The following BOC variants were observed in gnomAD, a reference collection of about 807,000 sequenced individuals.
The protein encoded by BOC is brother of CDO.
A neutral mutation model predicts 112.0 loss-of-function variants in BOC; 76 were observed. The observed-to-expected ratio is 0.68, with a 90% CI of 0.56 to 0.82. BOC has a LOEUF of 0.82. Among genes scored for constraint, BOC ranks in the 40% least tolerant of loss-of-function variants. The pLI is 0.00. For missense variants in BOC, 1,309 were observed against 1,511.7 expected, an observed-to-expected ratio of 0.87 and a Z score of 2.22; for synonymous variants, 580 against 599.8, an observed-to-expected ratio of 0.97 and a Z score of 0.48.
chr3:113,277,957 C>G (rs1948819948), intron 9 of BOC, 138 bp from the exon 10 acceptor site: 1 of 1,133,130 alleles, frequency 8.8e-7, no homozygotes, highest in Non-Finnish European at 1.3e-6. Flanking sequence ...CGAGGCTGTG[C>G]CACCCTAACC....
intron 2 of BOC, 60 bp downstream of exon 2, chr3:113,216,334 A>C: frequency 2.2e-6 from 1 of 451,176 alleles, no homozygotes; most frequent in Non-Finnish European, 4.5e-6. Context: ...CCATTTGTTC[A>C]TGTTTTGTGT....
At position 113,264,228 on chromosome 3, in the gene BOC, G is replaced by A. The variant is rs561330578; in HGVS notation, c.377-4071G>A. Among the ~76,000 whole-genome samples the A allele has an allele frequency of 1.2e-3, 181 of 152,310 alleles. 1 individual carries two copies. The highest frequency in any genetic ancestry group is 4.1e-3 in the African/African-American group (171 of 41,574). Reference sequence around the variant, plus strand: ...GAGAAACAAAAGTGGGTCTACTAGCGTTTGATTAATGCGGACAAGTTAATG... The same window carrying A: ...GAGAAACAAAAGTGGGTCTACTAGCATTTGATTAATGCGGACAAGTTAATG... On this transcript the variant is annotated intron_variant, in intron 4 of 19. Coordinates refer to ENST00000682979, the MANE Select transcript of BOC (RefSeq NM_001378074.1).
At chr3:113,250,213 A>G (rs1443679823) in intron 3 of BOC, among the ~76,000 whole-genome samples, 1 of 152,254 alleles carries the variant, frequency 6.6e-6, no homozygotes, top group Non-Finnish European at 1.5e-5. Context: ...AAGACTCATG[A>G]CAACCTTGTG....
intron 4 of BOC, among the ~76,000 whole-genome samples, chr3:113,266,331 T>G (rs951743084): frequency 2.0e-5 from 3 of 152,230 alleles, no homozygotes; most frequent in Non-Finnish European, 4.4e-5. Context: ...ATCCATCCTG[T>G]CACTGTTTTT....
At chr3:113,214,468 G>A (rs151254944) in intron 1 of BOC, among the ~76,000 whole-genome samples, 230 of 152,258 alleles carry the variant, frequency 1.5e-3, no homozygotes, top group African/African-American at 5.2e-3. Context: ...TTCAAATTTC[G>A]GCAAAGCCAC....
At position 113,273,313 on chromosome 3, in the gene BOC, C is replaced by T. The variant is rs772821398; in HGVS notation, c.1206C>T (p.Ala402=). ...MAENEVGSAH[A]VVQLRTSRPS... is the part of the protein sequence containing the mutation. ...AGAACGAGGTTGGGAGCGCCCATGCCGTAGTCCAGCTGCGGACCTCCAGGC... is the reference window on the plus strand; with the variant it reads ...AGAACGAGGTTGGGAGCGCCCATGCTGTAGTCCAGCTGCGGACCTCCAGGC... The change falls in exon 8 of 20, where the codon GCC becomes GCT. Residue 402 remains alanine (A), a synonymous_variant. Coordinates refer to ENST00000682979, the MANE Select transcript of BOC (RefSeq NM_001378074.1). 10 of 1,595,882 alleles carry T rather than the reference C, an allele frequency of 6.3e-6. No individual in the cohort carries two copies. Among genetic ancestry groups the T allele is most frequent in the South Asian group, 4.4e-5 (4 of 90,584 alleles).
At chr3:113,279,085 G>A (rs755015226) in intron 11 of BOC, among the ~76,000 whole-genome samples, 164 bp from the exon 12 acceptor site, 4 of 152,204 alleles carry the variant, frequency 2.6e-5, no homozygotes, top group Non-Finnish European at 4.4e-5. Context: ...CCAGGCAGCC[G>A]TGGGGAGGTC....
chr3:113,264,091 G>C (rs1947190316), intron 4 of BOC, among the ~76,000 whole-genome samples: 1 of 152,180 alleles, frequency 6.6e-6, no homozygotes, highest in Non-Finnish European at 1.5e-5. Flanking sequence ...TCTATATGGA[G>C]CCTAAAATAT....
intron 9 of BOC, among the ~76,000 whole-genome samples, chr3:113,275,289 G>A (rs1316754583): frequency 1.3e-5 from 2 of 152,220 alleles, no homozygotes; most frequent in African/African-American, 2.4e-5. Context: ...CTTGACAGAA[G>A]GAAGTCTGTC....
chr3:113,283,475 C>T lies in BOC; in HGVS notation c.2499C>T (p.Pro833=). Residue 833 remains proline, a synonymous_variant, in exon 16 of 20, where the codon CCC becomes CCT. Coordinates refer to ENST00000682979, the MANE Select transcript of BOC (RefSeq NM_001378074.1). ...CAACTCTGGCCCCACCACAGCCGCCCCTTCCTGAAACCATAGAGCGGCCGG... is the reference window on the plus strand; with the variant it reads ...CAACTCTGGCCCCACCACAGCCGCCTCTTCCTGAAACCATAGAGCGGCCGG... The part of the protein sequence containing the change: ...PPPTLAPPQP[P]LPETIERPVG... 6.2e-7 allele frequency: 1 copy of T among 1,614,076 alleles called. No individual in the cohort carries two copies. The highest frequency in any genetic ancestry group is 8.5e-7 in the Non-Finnish European group (1 of 1,179,942).
Position 113,285,245 on chromosome 3 carries a change from A to C in BOC, c.2967-127A>C, listed in dbSNP as rs1949563712. 3 of 802,076 alleles carry C rather than the reference A, an allele frequency of 3.7e-6. No homozygotes were observed. In the African/African-American group the frequency reaches 5.1e-5, roughly 14 times the overall value. The allele number at this position is 802,076 out of a possible 1,614,324, so 49.7% of individuals were successfully genotyped here. On this transcript the variant is annotated intron_variant, in intron 18 of 19. Coordinates refer to ENST00000682979, the MANE Select transcript of BOC (RefSeq NM_001378074.1). ...CCTCTTGATGTTCAAAGGGGAGAGCAGTCCTTGCCCCATCTGAGCTCTCAC... is the reference window on the plus strand; with the variant it reads ...CCTCTTGATGTTCAAAGGGGAGAGCCGTCCTTGCCCCATCTGAGCTCTCAC...
In BOC at chr3:113,273,181, GA is replaced by G; in HGVS notation, c.1076del (p.Asn359MetfsTer45). 1 of 1,614,052 alleles carries G rather than the reference GA, an allele frequency of 6.2e-7. No homozygotes were observed. The highest frequency in any genetic ancestry group is 8.5e-7 in the Non-Finnish European group (1 of 1,180,022). On this transcript the variant is annotated frameshift_variant, in exon 8 of 20. Coordinates refer to ENST00000682979, the MANE Select transcript of BOC (RefSeq NM_001378074.1). LOFTEE classifies it high-confidence loss of function. ...NPPPSVLWLR[N>X]AVPLISSQRL... is the part of the protein sequence containing the mutation. Reference sequence around the variant, plus strand: ...CCCCGCCCTCCGTGCTGTGGCTGAGGAATGCTGTGCCCCTCATCTCCAGCCA... The same window carrying G: ...CCCCGCCCTCCGTGCTGTGGCTGAGGATGCTGTGCCCCTCATCTCCAGCCA...
intron 2 of BOC, among the ~76,000 whole-genome samples, chr3:113,217,417 C>T (rs1414805407): frequency 1.3e-5 from 2 of 152,134 alleles, no homozygotes; most frequent in Non-Finnish European, 2.9e-5. Context: ...ATCCCAGCTC[C>T]CTGGGAGGCT....
At chr3:113,255,046 G>A (rs950920887) in intron 4 of BOC, among the ~76,000 whole-genome samples, 50 of 152,076 alleles carry the variant, frequency 3.3e-4, no homozygotes, top group African/African-American at 1.0e-3. Context: ...TGCATGCTCT[G>A]TGGAGGTGCC....
intron 15 of BOC, 74 bp downstream of exon 15, chr3:113,281,227 C>T (rs953768020): frequency 6.4e-7 from 1 of 1,556,548 alleles, no homozygotes. Context: ...TTCCCTGTGC[C>T]TGTGCGGTGC....
chr3:113,238,978 G>A (rs538069872), intron 2 of BOC, among the ~76,000 whole-genome samples: 1 of 152,268 alleles, frequency 6.6e-6, no homozygotes, highest in Admixed American at 6.5e-5. Context: ...CTAGTTTGAG[G>A]GCTCTAGACC....
chr3:113,268,492 G>T (rs940928669), intron 5 of BOC, 47 bp downstream of exon 5: 1 of 1,581,276 alleles, frequency 6.3e-7, no homozygotes, highest in Non-Finnish European at 8.7e-7. Context: ...CAGAAGGGAA[G>T]CTGGCCTCCT....
intron 13 of BOC, among the ~76,000 whole-genome samples, 172 bp from the exon 14 acceptor site, chr3:113,280,386 A>G (rs1949080440): frequency 6.6e-6 from 1 of 152,188 alleles, no homozygotes; most frequent in African/African-American, 2.4e-5. Flanking sequence ...ATAATGAGTA[A>G]TCTTTACAAC....
At position 113,250,740 on chromosome 3, in the gene BOC, G is replaced by T. The variant is rs769550291; in HGVS notation, c.283G>T (p.Ala95Ser). 3 of 1,614,140 alleles carry T rather than the reference G, an allele frequency of 1.9e-6. No individual in the cohort carries two copies. The East Asian group carries it at 6.7e-5, about 36-fold the overall frequency. ...CACCCACGGGACCCTCGTCATCACTGCCCTTAACAACCACACTGTGGGACG... is the reference window on the plus strand; with the variant it reads ...CACCCACGGGACCCTCGTCATCACTTCCCTTAACAACCACACTGTGGGACG... ...LITHGTLVIT[A>S]LNNHTVGRYQ... Residue 95 changes from alanine (A) to serine (S), a missense_variant, in exon 4 of 20, where the codon GCC becomes TCC. Coordinates refer to ENST00000682979, the MANE Select transcript of BOC (RefSeq NM_001378074.1).
Sources: gnomAD v4.1 joint callset for allele counts (sites outside exome capture counted in the v4.1 genomes callset) on GRCh38, gnomAD v4.1.1 for gene constraint, MANE v1.5 for transcripts, NCBI Gene and HGNC (gene_info 2026-07-23, HGNC 2026-07-21) for gene names.